TRPM6: variants seen among roughly 807,000 people sequenced by gnomAD.
The protein encoded by TRPM6 is channel kinase 2.
In TRPM6, 111 loss-of-function variants were observed where a neutral mutation model predicts 247.6. The observed-to-expected ratio is 0.45, with a 90% CI of 0.38 to 0.52. The LOEUF (loss-of-function observed/expected upper bound fraction) is 0.52. Ranked by LOEUF, TRPM6 falls within the 20% of genes least tolerant of loss-of-function variation. TRPM6 has a pLI of 0.00. For synonymous variants in TRPM6, 892 were observed against 853.8 expected, an observed-to-expected ratio of 1.04 and a Z score of -0.78; for missense variants, 2,126 against 2,421.5, an observed-to-expected ratio of 0.88 and a Z score of 2.56.
At position 74,816,851 on chromosome 9, in the gene TRPM6, G is replaced by C. The variant is rs374517829; in HGVS notation, c.1207+41C>G. On this transcript the variant is annotated intron_variant, in intron 10 of 38. Coordinates refer to ENST00000360774, the MANE Select transcript of TRPM6 (RefSeq NM_017662.5). ...CACAAAGTACTGTGGAACATGAGAA[G>C]CGTAAATGAGGAACAATTGCAACCC... The C allele has an allele frequency of 1.1e-5, 18 of 1,609,580 alleles. No homozygotes were observed. The African/African-American group carries it at 2.4e-4, about 21-fold the overall frequency.
intron 16 of TRPM6, 137 bp from the exon 17 acceptor site, chr9:74,800,619 T>TAAA (rs5898379): frequency 8.7e-6 from 5 of 576,436 alleles, no homozygotes; most frequent in South Asian, 2.0e-5. Context: ...AGGCTTCCTT[T>TAAA]AAAAAAAAAA....
At chr9:74,792,807 G>A (rs1200639921) in intron 18 of TRPM6, 37 bp from the exon 19 acceptor site, 1 of 1,589,402 alleles carries the variant, frequency 6.3e-7, no homozygotes. Flanking sequence ...CTTGTCAGCA[G>A]CTTAACTAAA....
At chr9:74,753,125 AAAAAG>A (rs1409583895) in intron 28 of TRPM6, among the ~76,000 whole-genome samples, 1 of 151,760 alleles carries the variant, frequency 6.6e-6, no homozygotes, top group South Asian at 2.1e-4. Context: ...AAAAAAAAAA[AAAAAG>A]AAAGGAATGC....
intron 25 of TRPM6, among the ~76,000 whole-genome samples, chr9:74,763,649 C>A (rs937335617): frequency 6.6e-6 from 1 of 151,648 alleles, no homozygotes; most frequent in African/African-American, 2.4e-5. Flanking sequence ...AAAAAAAAAT[C>A]TCTAACTCTA....
In TRPM6 at chr9:74,855,558, G is replaced by A. The variant is rs1300031329; in HGVS notation, c.121C>T (p.Pro41Ser). The change falls in exon 3 of 39, where the codon CCA becomes TCA. Residue 41 changes from proline (P) to serine (S), a missense_variant. Pro to Ser is a moderately conservative substitution (Grantham distance 74, BLOSUM62 -1). Transcript: ENST00000360774. The stretch of plus-strand genomic sequence containing the variant: ...AAATTCTGGCAGACTTGGCATACTG[G>A]AGTACATCTAAATTAAAGAAATAAA... ...PSSKNPHRCT[P>S]VCQVCQNLIR... is the part of the protein sequence containing the mutation. 6.2e-7 allele frequency: 1 copy of A among 1,603,236 alleles called. No homozygotes were observed. The highest frequency in any genetic ancestry group is 8.5e-7 in the Non-Finnish European group (1 of 1,170,454).
chr9:74,766,466 G>GC (rs1028758621), intron 25 of TRPM6, among the ~76,000 whole-genome samples: 3 of 152,178 alleles, frequency 2.0e-5, no homozygotes, highest in Non-Finnish European at 4.4e-5. Flanking sequence ...TGAGATAACG[G>GC]CAAGTATAAT....
At chr9:74,816,989 C>T (rs1368407043) in intron 9 of TRPM6, 25 bp from the exon 10 acceptor site, 5 of 1,602,312 alleles carry the variant, frequency 3.1e-6, no homozygotes, top group Non-Finnish European at 4.3e-6. Context: ...AACAGAGAGC[C>T]ATACATTTGG....
rs376209945 is a variant in TRPM6, at chr9:74,733,726, T to C, written c.5777-990A>G. 4.6e-5 allele frequency among the ~76,000 whole-genome samples: 7 copies of C among 151,696 alleles called. No individual in the cohort carries two copies. In the East Asian group the frequency reaches 1.4e-3, roughly 29 times the overall value. On this transcript the variant is annotated intron_variant, in intron 36 of 38. Transcript: ENST00000360774. Reference sequence around the variant, plus strand: ...GGCATGTGCCACCATGCCCGGCTAATTTTGCACTTTTAGTAGAGACCAGGT... The same window carrying C: ...GGCATGTGCCACCATGCCCGGCTAACTTTGCACTTTTAGTAGAGACCAGGT...
In TRPM6 at chr9:74,808,341, G is replaced by T. The variant is rs1828607349; in HGVS notation, c.1498-167C>A. 2.0e-5 allele frequency among the ~76,000 whole-genome samples: 3 copies of T among 152,264 alleles called. No homozygotes were observed. In the South Asian group the frequency reaches 6.2e-4, roughly 32 times the overall value. On this transcript the variant is annotated intron_variant, in intron 13 of 38. Coordinates refer to ENST00000360774, the MANE Select transcript of TRPM6 (RefSeq NM_017662.5). The stretch of plus-strand genomic sequence containing the variant: ...GACCAGCCATTGATACAATCTGCTA[G>T]TTCAGAAGGAAAAATATCTTAGCCT...
intron 37 of TRPM6, among the ~76,000 whole-genome samples, chr9:74,731,416 A>G (rs575586352): frequency 6.6e-6 from 1 of 152,152 alleles, no homozygotes; most frequent in African/African-American, 2.4e-5. Flanking sequence ...TAAAGTCTTT[A>G]TGTATATAAG....
At chr9:74,733,765 T>C (rs1825602205) in intron 36 of TRPM6, among the ~76,000 whole-genome samples, 1 of 151,150 alleles carries the variant, frequency 6.6e-6, no homozygotes, top group African/African-American at 2.4e-5. Context: ...TCCATGTTGG[T>C]CAGGCTGGTC....
chr9:74,728,156 G>T, intron 38 of TRPM6, 83 bp downstream of exon 38: 6 of 1,092,364 alleles, frequency 5.5e-6, no homozygotes, highest in Non-Finnish European at 8.4e-6. Flanking sequence ...ATGTGATTAC[G>T]ATTTTCTACT....
intron 13 of TRPM6, among the ~76,000 whole-genome samples, chr9:74,809,821 AT>A (rs553953049): frequency 2.9e-4 from 44 of 152,034 alleles, no homozygotes; most frequent in South Asian, 2.3e-3. Context: ...TCTACCAAAA[AT>A]ACAGAAAAGT....
Position 74,792,625 on chromosome 9 carries a change from G to A in TRPM6, c.2537C>T (p.Thr846Met), listed in dbSNP as rs1218431764. 2.5e-6 allele frequency: 4 copies of A among 1,613,814 alleles called. No homozygotes were observed. The highest frequency in any genetic ancestry group is 1.1e-5 in the South Asian group (1 of 91,068). ...SAPIVKFWFYTMAYLAFLMLF... is the reference protein window; with the variant it reads ...SAPIVKFWFYMMAYLAFLMLF... ...ATATATTGTTGCAATGAGACCAACC[G>A]TATAAAACCAAAACTTGACAATTGG... Residue 846 changes from threonine (T) to methionine (M), a missense_variant and splice_region_variant, in exon 19 of 39, where the codon ACG becomes ATG. Transcript: ENST00000360774.
chr9:74,808,549 A>G (rs2117868920), intron 13 of TRPM6, among the ~76,000 whole-genome samples: 1 of 152,332 alleles, frequency 6.6e-6, no homozygotes, highest in East Asian at 1.9e-4. Context: ...GAAAAATATT[A>G]AACAAGTAGA....
chr9:74,848,162 C>T (rs896622702), intron 3 of TRPM6, among the ~76,000 whole-genome samples: 1 of 152,186 alleles, frequency 6.6e-6, no homozygotes, highest in Non-Finnish European at 1.5e-5. Flanking sequence ...TCTTAGCAAC[C>T]TCAGCTAACT....
intron 37 of TRPM6, among the ~76,000 whole-genome samples, chr9:74,731,980 T>G (rs1234555028): frequency 6.6e-6 from 1 of 152,166 alleles, no homozygotes; most frequent in Non-Finnish European, 1.5e-5. Context: ...GAACCATTTT[T>G]GCCAGCCATA....
chr9:74,812,429 T>A lies in TRPM6; in HGVS notation c.1313A>T (p.Asp438Val). The change falls in exon 12 of 39, where the codon GAT (aspartate) becomes GTT (valine). Residue 438 changes from aspartate to valine, a missense_variant. Coordinates refer to ENST00000360774, the MANE Select transcript of TRPM6 (RefSeq NM_017662.5). ...ATCTGACATTGCTTGTTCCAGGGCA[T>A]CAGGCTTCAGAAAGCACAAATAAGA... ...ILIYEQHWKP[D>V]ALEQAMSDAL... The A allele has an allele frequency of 6.2e-7, 1 of 1,613,900 alleles. No homozygotes were observed. Among genetic ancestry groups the A allele is most frequent in the South Asian group, 1.1e-5 (1 of 91,078 alleles).
At chr9:74,835,885 G>A (rs1424866840) in intron 5 of TRPM6, among the ~76,000 whole-genome samples, 3 of 152,034 alleles carry the variant, frequency 2.0e-5, no homozygotes, top group African/African-American at 7.3e-5. Flanking sequence ...CACAAACACA[G>A]CCTCCCCGAC....
Sources: allele counts gnomAD v4.1 joint callset (sites outside exome capture counted in the v4.1 genomes callset), GRCh38; gene constraint gnomAD v4.1.1; transcripts MANE v1.5; gene names NCBI Gene and HGNC (gene_info 2026-07-23, HGNC 2026-07-21).